CALN1: variants seen among roughly 807,000 people sequenced by gnomAD.
CALN1 encodes the protein calneuron 1, also known as calcium-binding protein 8.
Under a neutral mutation model 30.6 loss-of-function variants are expected in CALN1, and 17 were observed. The observed-to-expected ratio is 0.56, with a 90% CI of 0.38 to 0.83. The LOEUF is 0.83. Ranked by LOEUF, CALN1 falls within the 40% of genes least tolerant of loss-of-function variation. The pLI is 0.00. For synonymous variants in CALN1, 156 were observed against 131.4 expected (o/e 1.19, Z -1.28); for missense variants, 291 against 354.9 (o/e 0.82, Z 1.45).
At chr7:72,211,058 A>C (rs1792357065) in intron 3 of CALN1, among the ~76,000 whole-genome samples, 1 of 152,074 alleles carries the variant, frequency 6.6e-6, no homozygotes, top group South Asian at 2.1e-4. Context: ...TATCTCTAAA[A>C]AAATAAGTAA....
At chr7:72,106,102 A>C (rs1408298097) in intron 4 of CALN1, 49 bp downstream of exon 4, 26 of 1,592,216 alleles carry the variant, frequency 1.6e-5, no homozygotes, top group Non-Finnish European at 2.1e-5. Context: ...GGTCTCACTG[A>C]TGAGACCGGG....
intron 6 of CALN1, among the ~76,000 whole-genome samples, chr7:71,790,355 GAAAGAAAGAAAGA>G (rs1427633177): frequency 2.1e-5 from 2 of 95,638 alleles, no homozygotes; most frequent in East Asian, 4.9e-4. Context: ...AGAAAAGAAA[GAAAGAAAGAAAGA>G]AAAGAAAGAA....
chr7:72,066,926 C>T (rs1804061606), intron 4 of CALN1, among the ~76,000 whole-genome samples: 1 of 151,976 alleles, frequency 6.6e-6, no homozygotes, highest in African/African-American at 2.4e-5. Context: ...GGATTACAGG[C>T]ACGTGCCACC....
chr7:72,389,827 G>A (rs1805463031), intron 2 of CALN1, among the ~76,000 whole-genome samples: 1 of 152,044 alleles, frequency 6.6e-6, no homozygotes, highest in Non-Finnish European at 1.5e-5. Context: ...GCTGAGGCAG[G>A]AGAATCCCTT....
At chr7:72,205,013 TCTA>T (rs1400561902) in intron 3 of CALN1, among the ~76,000 whole-genome samples, 4 of 152,142 alleles carry the variant, frequency 2.6e-5, no homozygotes, top group Non-Finnish European at 5.9e-5. Flanking sequence ...ACAATGGATA[TCTA>T]CTTTTTCTGT....
chr7:72,076,611 CAAAAAAAAAAAAAAAAAAAA>C (rs572245834), intron 4 of CALN1, among the ~76,000 whole-genome samples: 100 of 6,128 alleles, frequency 0.016, 1 homozygote, highest in Admixed American at 0.084. Context: ...AAAAAAAAAG[CAAAAAAAAAAAAAAAAAAAA>C]AAAAAAAAAA....
At chr7:72,343,990 T>C (rs1187067874) in intron 2 of CALN1, among the ~76,000 whole-genome samples, 4 of 152,216 alleles carry the variant, frequency 2.6e-5, no homozygotes, top group Non-Finnish European at 5.9e-5. Context: ...TCAGCAGCTT[T>C]GCAGGAGACT....
intron 3 of CALN1, among the ~76,000 whole-genome samples, chr7:72,264,131 C>T (rs977535178): frequency 2.6e-4 from 39 of 152,176 alleles, no homozygotes; most frequent in African/African-American, 7.7e-4. Context: ...AGTCAGGAGA[C>T]GGAGAGCTGG....
At chr7:71,971,983 A>G (rs1429698870) in intron 5 of CALN1, among the ~76,000 whole-genome samples, 1 of 132,306 alleles carries the variant, frequency 7.6e-6, no homozygotes, top group Non-Finnish European at 1.7e-5. Flanking sequence ...GAAAGAAAGA[A>G]AGAAAGAAAG....
chr7:71,961,520 G>A (rs1225666570), intron 5 of CALN1, among the ~76,000 whole-genome samples: 2 of 152,084 alleles, frequency 1.3e-5, no homozygotes, highest in Non-Finnish European at 2.9e-5. Context: ...ACGTTCACTT[G>A]TGTACTGTAC....
intron 3 of CALN1, among the ~76,000 whole-genome samples, chr7:72,130,606 T>TA (rs1365211799): frequency 1.3e-5 from 2 of 152,020 alleles, no homozygotes; most frequent in African/African-American, 4.8e-5. Context: ...GGATAATACA[T>TA]AAGAAACAGA....
intron 2 of CALN1, among the ~76,000 whole-genome samples, chr7:72,348,823 C>T (rs528380091): frequency 1.3e-5 from 2 of 152,196 alleles, no homozygotes; most frequent in African/African-American, 4.8e-5. Context: ...AATCCAATGC[C>T]TAGCAAAGAA....
intron 5 of CALN1, among the ~76,000 whole-genome samples, chr7:71,917,629 T>A (rs537359983): frequency 5.3e-5 from 8 of 152,138 alleles, no homozygotes; most frequent in African/African-American, 1.7e-4. Flanking sequence ...CACCTCTCCA[T>A]GGGGCAGCAG....
chr7:72,308,372 GGAGAGAGAGAGA>G (rs150660773), intron 2 of CALN1, among the ~76,000 whole-genome samples: 10 of 92,622 alleles, frequency 1.1e-4, no homozygotes, highest in African/African-American at 2.8e-4. Context: ...TGTGGGGGGG[GGAGAGAGAGAGA>G]GAGAGAGAGA....
chr7:71,796,047 A>C (rs1455432612), intron 6 of CALN1, among the ~76,000 whole-genome samples: 1 of 151,204 alleles, frequency 6.6e-6, no homozygotes, highest in Non-Finnish European at 1.5e-5. Context: ...GGGTGGTCTC[A>C]ATCTCCTGAC....
intron 5 of CALN1, among the ~76,000 whole-genome samples, chr7:71,909,157 T>C (rs763489809): frequency 5.9e-5 from 9 of 152,184 alleles, no homozygotes; most frequent in Admixed American, 3.3e-4. Context: ...GCTGGGACAA[T>C]AGGCAGGCAC....
chr7:72,304,416 G>A (rs948141863), intron 2 of CALN1, among the ~76,000 whole-genome samples: 3 of 152,154 alleles, frequency 2.0e-5, no homozygotes, highest in African/African-American at 7.2e-5. Context: ...GCCAGGAAGG[G>A]GGGATTGCCT....
chr7:72,294,571 G>A (rs528149607), intron 2 of CALN1, among the ~76,000 whole-genome samples: 18 of 151,996 alleles, frequency 1.2e-4, no homozygotes, highest in South Asian at 2.1e-4. Context: ...GCAACACAGC[G>A]AAACCTCATC....
At chr7:71,829,929 T>C (rs1562818503) in intron 5 of CALN1, among the ~76,000 whole-genome samples, 1 of 152,216 alleles carries the variant, frequency 6.6e-6, no homozygotes, top group Non-Finnish European at 1.5e-5. Context: ...AAGCATGTAT[T>C]ACAGATCTGA....
Sources: gnomAD v4.1 joint callset for allele counts (sites outside exome capture counted in the v4.1 genomes callset) on GRCh38, gnomAD v4.1.1 for gene constraint, MANE v1.5 for transcripts, NCBI Gene and HGNC (gene_info 2026-07-23, HGNC 2026-07-21) for gene names.